Variants in TMCO6 observed in about 807,000 individuals in gnomAD.
The protein encoded by TMCO6 is transmembrane and coiled-coil domains 6.
In TMCO6, 47 loss-of-function variants were observed where a neutral mutation model predicts 61.8. The ratio of observed to expected loss-of-function variants is 0.76; its 90% CI spans 0.60 to 0.97. The LOEUF (loss-of-function observed/expected upper bound fraction) is 0.97, where lower values mean the gene tolerates loss of function less well. TMCO6 is among the 50% of genes least tolerant of loss of function. TMCO6 has a pLI of 0.00. For missense variants in TMCO6, 557 were observed against 601.6 expected (o/e 0.93, Z 0.78); for synonymous variants, 261 against 254.2 (o/e 1.03, Z -0.25).
the TMCO6 span, among the ~76,000 whole-genome samples, chr5:140,599,017 G>T: frequency 1.3e-5 from 2 of 152,186 alleles, no homozygotes; most frequent in African/African-American, 4.8e-5. Context: ...GCCAGCATTT[G>T]TTCAATGTAA....
At chr5:140,639,405 G>A (rs1305765282), upstream of TMCO6, 7 of 995,398 alleles carry the variant, frequency 7.0e-6, no homozygotes, top group Admixed American at 1.4e-4. Flanking sequence ...CACCCACCCC[G>A]CTCCTCGCGC....
chr5:140,645,746 A>T (rs1245131340), downstream of TMCO6: 1 of 1,609,622 alleles, frequency 6.2e-7, no homozygotes, highest in Admixed American at 1.7e-5. Context: ...AAAATAAAAG[A>T]TCTTTGTCTT....
At chr5:140,630,975 A>C in the TMCO6 span, among the ~76,000 whole-genome samples, 1 of 152,212 alleles carries the variant, frequency 6.6e-6, no homozygotes, top group Non-Finnish European at 1.5e-5. Flanking sequence ...TTGATGGCTG[A>C]TGCTGTAGGT....
the TMCO6 span, among the ~76,000 whole-genome samples, chr5:140,606,258 C>G: frequency 6.6e-6 from 1 of 151,622 alleles, no homozygotes; most frequent in African/African-American, 2.4e-5. Flanking sequence ...AAGCACTCCT[C>G]CTGCCTTAGC....
chr5:140,632,264 C>A, the TMCO6 span: 12 of 1,613,596 alleles, frequency 7.4e-6, no homozygotes, highest in African/African-American at 1.5e-4. This position sits in a 1 kb window ranked among gnomAD's most constrained non-coding sequence, Gnocchi z 6.2. Context: ...GTGCGGCGCA[C>A]ACGCCTGTGG....
chr5:140,644,152 T>G lies in TMCO6; in HGVS notation c.1158T>G (p.Pro386=). The change falls in exon 10 of 12, where the codon CCT becomes CCG. Residue 386 remains proline (P), a synonymous_variant. Transcript: ENST00000394671. ...TSLLSLDLIE[P]LLQLLPVSNV... is the part of the protein sequence containing the mutation. The stretch of plus-strand genomic sequence containing the variant: ...TGCTCTCCCTGGATCTGATTGAGCC[T>G]CTCTTACAGCTGTTGCCAGTATCTA... 2 of 1,614,222 alleles carry G rather than the reference T, an allele frequency of 1.2e-6. No homozygotes were observed. The highest frequency in any genetic ancestry group is 2.2e-5 in the South Asian group (2 of 91,088).
At chr5:140,605,578 G>T in the TMCO6 span, among the ~76,000 whole-genome samples, 2 of 152,140 alleles carry the variant, frequency 1.3e-5, no homozygotes, top group Admixed American at 6.5e-5. Flanking sequence ...TACTTGGGAG[G>T]CTGAGGCAGG....
At chr5:140,614,123 T>C in the TMCO6 span, among the ~76,000 whole-genome samples, 2 of 152,098 alleles carry the variant, frequency 1.3e-5, no homozygotes, top group Non-Finnish European at 2.9e-5. Context: ...ATGTTCTGGA[T>C]CTCCTGACCT....
Position 140,640,317 on chromosome 5 carries a change from A to G in TMCO6, c.198+466A>G, listed in dbSNP as rs116587068. 1.3e-3 allele frequency among the ~76,000 whole-genome samples: 193 copies of G among 152,036 alleles called. 1 individual carries two copies. The highest frequency in any genetic ancestry group is 4.3e-3 in the African/African-American group (180 of 41,468). On this transcript the variant is annotated intron_variant, in intron 2 of 11. Coordinates refer to ENST00000394671, the MANE Select transcript of TMCO6 (RefSeq NM_018502.5). ...TCCTCTTTTTAGTTCCTGCAACGAT[A>G]TATCGGATTTGTGTCTCAAGCCCTT...
downstream of TMCO6, chr5:140,645,807 T>C (rs1757358980): frequency 1.4e-6 from 2 of 1,450,856 alleles, no homozygotes; most frequent in Non-Finnish European, 1.9e-6. Flanking sequence ...ATGATCAAAA[T>C]ACATTTGGTA....
the TMCO6 span, among the ~76,000 whole-genome samples, chr5:140,613,923 G>T: frequency 6.6e-6 from 1 of 151,280 alleles, no homozygotes; most frequent in East Asian, 2.0e-4. Flanking sequence ...TTTTGAGAAG[G>T]AGTCTCACTC....
At chr5:140,639,674 C>A in intron 1 of TMCO6, 62 bp downstream of exon 1, 1 of 1,544,726 alleles carries the variant, frequency 6.5e-7, no homozygotes, top group South Asian at 1.2e-5. Context: ...AGACCCCAGG[C>A]TCGGAGCCGC....
At chr5:140,612,002 G>A in the TMCO6 span, among the ~76,000 whole-genome samples, 1 of 152,142 alleles carries the variant, frequency 6.6e-6, no homozygotes, top group Non-Finnish European at 1.5e-5. Context: ...GGATGGGAGA[G>A]AGCAAGTTTT....
At chr5:140,632,716 G>A in the TMCO6 span, 1 of 1,613,648 alleles carries the variant, frequency 6.2e-7, no homozygotes, top group Non-Finnish European at 8.5e-7. This position sits in a 1 kb window ranked among gnomAD's most constrained non-coding sequence, Gnocchi z 6.2. Context: ...CGCCGCACGC[G>A]GAGAGCCTTG....
chr5:140,641,333 T>C (rs1022136463), intron 2 of TMCO6: 3 of 232,668 alleles, frequency 1.3e-5, no homozygotes, highest in African/African-American at 4.5e-5. Context: ...ATGGGGAGAA[T>C]GGCTAGAGGA....
At chr5:140,606,417 A>G in the TMCO6 span, among the ~76,000 whole-genome samples, 1 of 151,948 alleles carries the variant, frequency 6.6e-6, no homozygotes, top group Non-Finnish European at 1.5e-5. Context: ...TTCTCAGACT[A>G]AAGGTTTGTC....
chr5:140,625,080 C>T, the TMCO6 span, among the ~76,000 whole-genome samples: 2 of 151,984 alleles, frequency 1.3e-5, no homozygotes, highest in East Asian at 3.9e-4. Flanking sequence ...TCTCAAACTC[C>T]TGACCTCATA....
chr5:140,627,381 AG>A, the TMCO6 span, among the ~76,000 whole-genome samples: 2 of 152,210 alleles, frequency 1.3e-5, no homozygotes, highest in African/African-American at 4.8e-5. Flanking sequence ...GTTCCAAAGC[AG>A]GTAAGTTGAA....
downstream of TMCO6, chr5:140,645,424 T>A (rs1203736871): frequency 5.4e-6 from 5 of 930,704 alleles, no homozygotes; most frequent in South Asian, 4.2e-5. Context: ...CCTCAGTGGT[T>A]GCACAGTAAG....
Sources: allele counts gnomAD v4.1 joint callset (sites outside exome capture counted in the v4.1 genomes callset), GRCh38; gene constraint gnomAD v4.1.1; non-coding constraint Gnocchi (gnomAD v3.1); transcripts MANE v1.5; gene names NCBI Gene and HGNC (gene_info 2026-07-23, HGNC 2026-07-21).